TTC7B: variants seen among roughly 807,000 people sequenced by gnomAD.
TTC7B encodes tetratricopeptide repeat domain 7B.
Under a neutral mutation model 106.8 loss-of-function variants are expected in TTC7B, and 28 were observed. The observed-to-expected ratio is 0.26, with a 90% CI of 0.19 to 0.36. TTC7B has a LOEUF of 0.36. Ranked by LOEUF, TTC7B falls within the 10% of genes least tolerant of loss-of-function variation. TTC7B has a pLI of 1.00. For missense variants in TTC7B, 862 were observed against 1,076.4 expected, an observed-to-expected ratio of 0.80 and a Z score of 2.79; for synonymous variants, 405 against 430.6, an observed-to-expected ratio of 0.94 and a Z score of 0.74.
At chr14:90,665,578 C>T (rs1566826364) in intron 9 of TTC7B, among the ~76,000 whole-genome samples, 1 of 152,236 alleles carries the variant, frequency 6.6e-6, no homozygotes, top group Non-Finnish European at 1.5e-5. Context: ...AAGCCAAAGT[C>T]TATTTTTGGA....
chr14:90,613,433 G>A (rs1324378459), intron 16 of TTC7B, among the ~76,000 whole-genome samples: 1 of 152,144 alleles, frequency 6.6e-6, no homozygotes, highest in Non-Finnish European at 1.5e-5. Context: ...GTGACCGATT[G>A]AGAATTTTAC....
intron 17 of TTC7B, among the ~76,000 whole-genome samples, chr14:90,602,702 GAA>G (rs77011716): frequency 8.0e-6 from 1 of 124,824 alleles, no homozygotes; most frequent in African/African-American, 3.0e-5. Context: ...GTCTCAAAAA[GAA>G]AAAAAAAAAA....
intron 9 of TTC7B, among the ~76,000 whole-genome samples, chr14:90,659,485 G>A (rs1566823173): frequency 6.6e-6 from 1 of 152,166 alleles, no homozygotes; most frequent in Non-Finnish European, 1.5e-5. Flanking sequence ...GATCAGTCCA[G>A]AAGAGTATTC....
At chr14:90,593,655 C>T (rs1892070320) in intron 17 of TTC7B, 29 bp from the exon 18 acceptor site, 1 of 1,554,128 alleles carries the variant, frequency 6.4e-7, no homozygotes, top group African/African-American at 1.4e-5. Context: ...AAGACTCTAT[C>T]AGGAGCGAAA....
At chr14:90,627,177 G>A (rs1340034313) in intron 15 of TTC7B, among the ~76,000 whole-genome samples, 1 of 151,944 alleles carries the variant, frequency 6.6e-6, no homozygotes, top group African/African-American at 2.4e-5. Context: ...TAGATATGGG[G>A]GTCTCATTAT....
chr14:90,680,287 T>C (rs1436729072), intron 8 of TTC7B, among the ~76,000 whole-genome samples, 185 bp downstream of exon 8: 1 of 152,206 alleles, frequency 6.6e-6, no homozygotes, highest in Non-Finnish European at 1.5e-5. Context: ...GGGACATTGC[T>C]AGCTGGTCCA....
chr14:90,769,469 G>A (rs1289161888), intron 3 of TTC7B, among the ~76,000 whole-genome samples: 4 of 152,104 alleles, frequency 2.6e-5, no homozygotes, highest in Non-Finnish European at 5.9e-5. Flanking sequence ...GTGAAAGAAT[G>A]GAAAAAGATA....
intron 5 of TTC7B, among the ~76,000 whole-genome samples, chr14:90,703,010 T>G (rs1749704): frequency 0.33 from 49,792 of 151,994 alleles, 8,483 homozygotes; most frequent in Middle Eastern, 0.38. Context: ...ACTAAAAAAT[T>G]TGAACTCAAA....
intron 16 of TTC7B, among the ~76,000 whole-genome samples, chr14:90,611,754 G>C (rs546811189): frequency 1.3e-4 from 20 of 152,328 alleles, no homozygotes; most frequent in South Asian, 4.1e-4. Flanking sequence ...CTAACAGGGA[G>C]AGAAACTGTT....
At chr14:90,739,207 G>C (rs1057306452) in intron 4 of TTC7B, among the ~76,000 whole-genome samples, 2 of 152,210 alleles carry the variant, frequency 1.3e-5, no homozygotes, top group Non-Finnish European at 2.9e-5. Flanking sequence ...TAGCCAGTCA[G>C]TTTCTGGACA....
chr14:90,548,645 T>C (rs1889938959), intron 19 of TTC7B, among the ~76,000 whole-genome samples: 2 of 152,226 alleles, frequency 1.3e-5, no homozygotes, highest in African/African-American at 4.8e-5. Flanking sequence ...CGGTCATCTC[T>C]GCACCTCCAG....
chr14:90,767,325 G>A (rs1314686621), intron 3 of TTC7B, among the ~76,000 whole-genome samples: 2 of 152,222 alleles, frequency 1.3e-5, no homozygotes, highest in East Asian at 3.8e-4. Context: ...TAACCTTGAA[G>A]ACAGGACAAT....
At chr14:90,687,943 T>C (rs1426574717) in intron 7 of TTC7B, among the ~76,000 whole-genome samples, 1 of 152,250 alleles carries the variant, frequency 6.6e-6, no homozygotes, top group Non-Finnish European at 1.5e-5. Context: ...GGTGGCAACC[T>C]TGAAGAAATG....
intron 16 of TTC7B, among the ~76,000 whole-genome samples, chr14:90,612,382 T>C (rs1485058954): frequency 6.6e-6 from 1 of 152,200 alleles, no homozygotes; most frequent in Non-Finnish European, 1.5e-5. Context: ...TATCTGAATA[T>C]TGCAATGCCC....
rs1886277322 is a variant in TTC7B, at chr14:90,663,242, G to A, written c.1153-4855C>T. 6.6e-6 allele frequency among the ~76,000 whole-genome samples: 1 copy of A among 152,184 alleles called. No homozygotes were observed. The highest frequency in any genetic ancestry group is 2.4e-5 in the African/African-American group (1 of 41,442). On this transcript the variant is annotated intron_variant, in intron 9 of 19. Coordinates refer to ENST00000328459, the MANE Select transcript of TTC7B (RefSeq NM_001010854.2). The surrounding 1 kb of genome is among the most constrained non-coding windows in gnomAD (Gnocchi z 4.5). ...GGGGTACGCGGGCCTCAGAGTTGGT[G>A]GTGGAGCCAGCTGGGAGTGAAGCGG...
At chr14:90,680,683 T>A in intron 7 of TTC7B, 148 bp from the exon 8 acceptor site, 1 of 614,694 alleles carries the variant, frequency 1.6e-6, no homozygotes. Flanking sequence ...ATTTGCCTAT[T>A]TCTATGGTAA....
Position 90,744,894 on chromosome 14 carries a change from A to C in TTC7B, c.474T>G (p.Ser158=), listed in dbSNP as rs1566867137. 2 of 1,614,032 alleles carry C rather than the reference A, an allele frequency of 1.2e-6. No individual in the cohort carries two copies. The highest frequency in any genetic ancestry group is 1.7e-6 in the Non-Finnish European group (2 of 1,180,008). The part of the protein sequence containing the change: ...KGLCLEKLPI[S]SSTSNLHVDR... The stretch of plus-strand genomic sequence containing the variant: ...CCACATGGAGATTACTGGTAGAAGA[A>C]GAAATAGGCAGCTTCTCCAAACAAA... Residue 158 remains serine (S), a synonymous_variant, in exon 4 of 20, where the codon TCT becomes TCG. Coordinates refer to ENST00000328459, the MANE Select transcript of TTC7B (RefSeq NM_001010854.2).
intron 17 of TTC7B, among the ~76,000 whole-genome samples, chr14:90,598,925 A>G (rs1463637848): frequency 6.6e-6 from 1 of 152,170 alleles, no homozygotes; most frequent in Non-Finnish European, 1.5e-5. Flanking sequence ...AGGCGGGTGG[A>G]TCACTTGAGG....
chr14:90,781,788 G>A (rs1299566157), intron 2 of TTC7B, among the ~76,000 whole-genome samples: 1 of 152,174 alleles, frequency 6.6e-6, no homozygotes, highest in Non-Finnish European at 1.5e-5. Flanking sequence ...GCTAAGGGCT[G>A]GAAGTTCTCT....
Sources: gnomAD v4.1 joint callset for allele counts (sites outside exome capture counted in the v4.1 genomes callset) on GRCh38, gnomAD v4.1.1 for gene constraint, Gnocchi (gnomAD v3.1) non-coding constraint, MANE v1.5 for transcripts, NCBI Gene and HGNC (gene_info 2026-07-23, HGNC 2026-07-21) for gene names.